Variants in ECEL1 observed in about 807,000 individuals in gnomAD.
ECEL1 encodes the protein endothelin-converting enzyme-like 1.
In ECEL1, 87 loss-of-function variants were observed where a neutral mutation model predicts 101.8. The observed-to-expected ratio is 0.85, with a 90% CI of 0.72 to 1.02. The LOEUF is 1.02. Ranked by LOEUF, ECEL1 falls within the 50% of genes least tolerant of loss-of-function variation. The probability of loss-of-function intolerance (pLI) is 0.00; values close to 1 mark genes in which losing one functional copy is unlikely to be tolerated. For missense variants in ECEL1, 1,032 were observed against 1,079.2 expected, an observed-to-expected ratio of 0.96 and a Z score of 0.61; for synonymous variants, 487 against 468.7, an observed-to-expected ratio of 1.04 and a Z score of -0.50.
rs765438079 is a variant in ECEL1 at position 232,480,492 on chromosome 2, G to T, written c.2152-17C>A. On this transcript the variant is annotated splice_polypyrimidine_tract_variant and intron_variant, in intron 16 of 17. Transcript: ENST00000304546. ...GCACCAGTTCTGGGTCCAGGAGCGG[G>T]GTGGAGGGGAGGAGGGGGAGATGAA... is the stretch of plus-strand genomic sequence containing the variant. The T allele has an allele frequency of 1.2e-6, 2 of 1,613,574 alleles. No individual in the cohort carries two copies. Among genetic ancestry groups the T allele is most frequent in the Admixed American group, 3.3e-5 (2 of 60,016 alleles).
intron 1 of ECEL1, 106 bp from the exon 2 acceptor site, chr2:232,486,860 C>A: frequency 2.2e-6 from 1 of 451,736 alleles, no homozygotes; most frequent in Non-Finnish European, 3.6e-6. Flanking sequence ...CAGCCGCGGG[C>A]CTCATTCACT....
rs1265273151 is a variant in ECEL1, at chr2:232,481,536, G to A, written c.1959C>T (p.Leu653=). 6 of 1,613,216 alleles carry A rather than the reference G, an allele frequency of 3.7e-6. No individual in the cohort carries two copies. The highest frequency in any genetic ancestry group is 5.1e-6 in the Non-Finnish European group (6 of 1,179,800). Residue 653 remains leucine (L), a synonymous_variant, in exon 14 of 18, where the codon CTC becomes CTT. Transcript: ENST00000304546. ...GGTTGTAGACAGTGAAGTTGTCATA[G>A]AGACGGACGATGCACTCAGCCTTTC... ...FLRKAECIVR[L]YDNFTVYNQR...
chr2:232,486,572 C>A lies in ECEL1; in HGVS notation c.82G>T (p.Ala28Ser). ...KYVSRCGAGG[A>S]RGASLPPGFP... ...CCCGGGGGCAGGGAGGCCCCGCGCG[C>A]GCCCCCCGCGCCGCAGCGGCTCACG... is the stretch of plus-strand genomic sequence containing the variant. The change falls in exon 2 of 18, where the codon GCG (alanine) becomes TCG (serine). Residue 28 changes from alanine to serine, a missense_variant. By Grantham distance (99) the Ala-to-Ser change is moderately conservative (BLOSUM62 1). Coordinates refer to ENST00000304546, the MANE Select transcript of ECEL1 (RefSeq NM_004826.4). 1.4e-6 allele frequency: 2 copies of A among 1,381,748 alleles called. No homozygotes were observed. The highest frequency in any genetic ancestry group is 9.3e-7 in the Non-Finnish European group (1 of 1,070,728). 85.6% of individuals were successfully genotyped at this position (1,381,748 alleles called of 1,614,324 possible).
chr2:232,487,817 G>A lies in ECEL1; in HGVS notation c.-200C>T, dbSNP rs1559278605. On this transcript the variant is annotated 5_prime_UTR_variant, in exon 1 of 18. Transcript: ENST00000304546. Reference sequence around the variant, plus strand: ...CCGAGCGGGCGTCCGGTGTCTCCCAGCGCCCGCCGCCTCCTCTGCCGCCGC... The same window carrying A: ...CCGAGCGGGCGTCCGGTGTCTCCCAACGCCCGCCGCCTCCTCTGCCGCCGC... The A allele has an allele frequency of 6.7e-6, 1 of 148,750 alleles. No homozygotes were observed. The highest frequency in any genetic ancestry group is 1.5e-5 in the Non-Finnish European group (1 of 66,626). The allele number at this position is 148,750 out of a possible 1,614,324, so 9.2% of individuals were successfully genotyped here.
rs1387878209 is a variant in ECEL1 at position 232,487,742 on chromosome 2, G to T, written c.-125C>A. 4.0e-5 allele frequency: 6 copies of T among 150,614 alleles called. No homozygotes were observed. The highest frequency in any genetic ancestry group is 8.9e-5 in the Non-Finnish European group (6 of 67,406). The allele number at this position is 150,614 out of a possible 1,614,324, so 9.3% of individuals were successfully genotyped here. A position where few individuals can be genotyped will look rare whatever the true frequency, so the allele number is the denominator to read the frequency against. ...ACCCGGCAGGTGCGCGCCCGAGCCG[G>T]CGGTGACCGAGCGGGTCGGGCCCGA... On this transcript the variant is annotated 5_prime_UTR_variant, in exon 1 of 18. Transcript: ENST00000304546.
rs1400929583 is a variant in ECEL1, at chr2:232,484,099, G to A, written c.1309C>T (p.Leu437=). 1 of 1,613,856 alleles carries A rather than the reference G, an allele frequency of 6.2e-7. No individual in the cohort carries two copies. Among genetic ancestry groups the A allele is most frequent in the East Asian group, 2.2e-5 (1 of 44,880 alleles). The change falls in exon 7 of 18, where the codon CTG becomes TTG. Residue 437 remains leucine (L), a synonymous_variant. Coordinates refer to ENST00000304546, the MANE Select transcript of ECEL1 (RefSeq NM_004826.4). ...GCCTGGCCCAAGCAGACCCGGGCCA[G>A]CTCCTGTGGCTTGTCGCTGCCCTCC... is the stretch of plus-strand genomic sequence containing the variant. ...EMEGSDKPQE[L]ARVCLGQANR...
Position 232,480,704 on chromosome 2 carries a change from C to G in ECEL1, c.2151+14G>C. On this transcript the variant is annotated intron_variant, in intron 16 of 17. Transcript: ENST00000304546. The stretch of plus-strand genomic sequence containing the variant: ...CACCCCAAGGCTCCCAGTCCAATCC[C>G]CCACCCAGCCCACCTGGGCAAAGGC... 1 of 1,613,726 alleles carries G rather than the reference C, an allele frequency of 6.2e-7. No homozygotes were observed. The highest frequency in any genetic ancestry group is 8.5e-7 in the Non-Finnish European group (1 of 1,179,778).
chr2:232,482,619 A>G lies in ECEL1; in HGVS notation c.1686-11T>C. The G allele has an allele frequency of 1.2e-6, 2 of 1,606,718 alleles. No homozygotes were observed. The highest frequency in any genetic ancestry group is 4.5e-5 in the East Asian group (2 of 44,726). ...GGGGGGAGCAGCCACCTGTGGAGGG[A>G]TGCTGGGGTGAATGGGGGGAACACA... On this transcript the variant is annotated splice_polypyrimidine_tract_variant and intron_variant, in intron 10 of 17. Coordinates refer to ENST00000304546, the MANE Select transcript of ECEL1 (RefSeq NM_004826.4).
chr2:232,484,496 T>C lies in ECEL1; in HGVS notation c.1160A>G (p.Gln387Arg), dbSNP rs200595311. ...CCGGTGGGGTGTGGAGCGGATGAGC[T>C]GCGACACCTGCTGCATGTAGTCTGT... ...LATDYMQQVS[Q>R]LIRSTPHRVL... is the part of the protein sequence containing the mutation. Residue 387 changes from glutamine to arginine, a missense_variant, in exon 6 of 18, where the codon CAG (glutamine) becomes CGG (arginine). Gln to Arg is a conservative substitution (Grantham distance 43). Coordinates refer to ENST00000304546, the MANE Select transcript of ECEL1 (RefSeq NM_004826.4). 9.3e-6 allele frequency: 15 copies of C among 1,613,898 alleles called. No homozygotes were observed. Among genetic ancestry groups the C allele is most frequent in the Non-Finnish European group, 1.2e-5 (14 of 1,179,998 alleles).
chr2:232,482,447 C>A lies in ECEL1; in HGVS notation c.1767G>T (p.Gln589His). 1 of 1,613,996 alleles carries A rather than the reference C, an allele frequency of 6.2e-7. No homozygotes were observed. Among genetic ancestry groups the A allele is most frequent in the Non-Finnish European group, 8.5e-7 (1 of 1,180,002 alleles). ...NQMVFPAGIL[Q>H]PTLYDPDFPQ... ...GGAAGTCAGGGTCGTACAGGGTGGG[C>A]TGCAGGATGCCCGCGGGGAACACTA... The change falls in exon 12 of 18, where the codon CAG becomes CAT. Residue 589 changes from glutamine (Q) to histidine (H), a missense_variant. By Grantham distance (24) the Gln-to-His change is conservative (BLOSUM62 0). Coordinates refer to ENST00000304546, the MANE Select transcript of ECEL1 (RefSeq NM_004826.4).
chr2:232,481,019 G>C, intron 15 of ECEL1, 72 bp downstream of exon 15: 1 of 1,529,286 alleles, frequency 6.5e-7, no homozygotes, highest in Non-Finnish European at 8.8e-7. Context: ...AGGCAGCTCT[G>C]TCCCTCATCT....
Position 232,484,840 on chromosome 2 carries a change from G to T in ECEL1, c.1020C>A (p.Asn340Lys), listed in dbSNP as rs777384226. The change falls in exon 5 of 18, where the codon AAC (asparagine) becomes AAA (lysine). Residue 340 changes from asparagine to lysine, a missense_variant. By Grantham distance (94) the Asn-to-Lys change is moderately conservative. Coordinates refer to ENST00000304546, the MANE Select transcript of ECEL1 (RefSeq NM_004826.4). ...DLRRDVSSMY[N>K]KVTLGQLQKI... is the part of the protein sequence containing the mutation. ...TCTGCAGCTGCCCCAGCGTCACCTTGTTGTACATGGAGCTGACATCTCGCC... is the reference window on the plus strand; with the variant it reads ...TCTGCAGCTGCCCCAGCGTCACCTTTTTGTACATGGAGCTGACATCTCGCC... The T allele has an allele frequency of 5.0e-6, 8 of 1,613,990 alleles. No homozygotes were observed. Among genetic ancestry groups the T allele is most frequent in the Non-Finnish European group, 6.8e-6 (8 of 1,180,026 alleles).
At chr2:232,481,267 GC>G in intron 14 of ECEL1, 111 bp from the exon 15 acceptor site, 1 of 1,410,274 alleles carries the variant, frequency 7.1e-7, no homozygotes. Context: ...TCCTTCCCTT[GC>G]CCAGAGAGTT....
At chr2:232,481,472 C>T in intron 14 of ECEL1, 34 bp downstream of exon 14, 2 of 1,586,720 alleles carry the variant, frequency 1.3e-6, no homozygotes, top group Non-Finnish European at 1.7e-6. Flanking sequence ...CCCCACCAGG[C>T]CTGAGGGGCA....
In ECEL1 at chr2:232,480,656, A is replaced by G; in HGVS notation, c.2151+62T>C. 2.5e-6 allele frequency: 4 copies of G among 1,579,682 alleles called. No homozygotes were observed. The South Asian group carries it at 4.5e-5, about 18-fold the overall frequency. On this transcript the variant is annotated intron_variant, in intron 16 of 17. Coordinates refer to ENST00000304546, the MANE Select transcript of ECEL1 (RefSeq NM_004826.4). ...GAAGCCTGGGCAAGGCAGGACTGGG[A>G]CTGACCCTGGATGCCGTGTCCCCAC...
Position 232,485,994 on chromosome 2 carries a change from C to G in ECEL1, c.660G>C (p.Pro220=). The G allele has an allele frequency of 3.1e-6, 5 of 1,606,278 alleles. No homozygotes were observed. Among genetic ancestry groups the G allele is most frequent in the Non-Finnish European group, 4.2e-6 (5 of 1,177,776 alleles). ...TGAGGTCCCATCGCGCCGCGACCCC[C>G]GGACGCTCCTCCGCGCCGCCCAGGT... ...GWDLGGAEER[P]GVAARWDLNR... is the part of the protein sequence containing the mutation. Residue 220 remains proline, a synonymous_variant, in exon 2 of 18, where the codon CCG becomes CCC. Transcript: ENST00000304546.
Position 232,479,887 on chromosome 2 carries a change from T to C in ECEL1, c.*266A>G. On this transcript the variant is annotated 3_prime_UTR_variant, in exon 18 of 18. Transcript: ENST00000304546. ...AAGAACACAGCGAAGGTGGGGCCCG[T>C]ACAATCCAGCCTGGCAGAGGGTCTG... 1.9e-6 allele frequency: 1 copy of C among 540,376 alleles called. No individual in the cohort carries two copies. The allele number at this position is 540,376 out of a possible 1,614,324, so 33.5% of individuals were successfully genotyped here.
Position 232,485,188 on chromosome 2 carries a change from T to C in ECEL1, c.855+11A>G, listed in dbSNP as rs768941795. On this transcript the variant is annotated intron_variant, in intron 3 of 17. Coordinates refer to ENST00000304546, the MANE Select transcript of ECEL1 (RefSeq NM_004826.4). ...AGGCCTTCCCTGCCTCCCCATCCCA[T>C]GCCCCAGCACCTTCTCACTGTCCTC... is the stretch of plus-strand genomic sequence containing the variant. 6.2e-7 allele frequency: 1 copy of C among 1,613,382 alleles called. No individual in the cohort carries two copies. The highest frequency in any genetic ancestry group is 1.1e-5 in the South Asian group (1 of 91,056).
In ECEL1 at chr2:232,485,261, G is replaced by A. The variant is rs764997016; in HGVS notation, c.793C>T (p.Gln265Ter). The A allele has an allele frequency of 1.9e-6, 3 of 1,613,302 alleles. No homozygotes were observed. In the Admixed American group the frequency reaches 5.0e-5, roughly 27 times the overall value. Residue 265 changes from glutamine (Q) to a stop codon, truncating the protein, a stop_gained, in exon 3 of 18, where the codon CAG (glutamine) becomes TAG (stop). Coordinates refer to ENST00000304546, the MANE Select transcript of ECEL1 (RefSeq NM_004826.4). LOFTEE classifies it high-confidence loss of function. ...NSSRYVIRID[Q>*]DGLTLPERTL... is the part of the protein sequence containing the mutation. ...CTCTCTGGCAGGGTGAGCCCATCCT[G>A]GTCAATCTGGGGAGGGAGACAGGGG...
Sources: allele counts gnomAD v4.1 joint callset, GRCh38; gene constraint gnomAD v4.1.1; transcripts MANE v1.5; gene names NCBI Gene and HGNC (gene_info 2026-07-23, HGNC 2026-07-21).